The following PTPRM variants were observed in gnomAD, a reference collection of about 807,000 sequenced individuals.
PTPRM encodes protein tyrosine phosphatase receptor type M.
In PTPRM, 47 loss-of-function variants were observed where a neutral mutation model predicts 186.7. That is an observed-to-expected ratio of 0.25 (90% CI 0.20 to 0.32). The LOEUF (loss-of-function observed/expected upper bound fraction) is 0.32, where lower values mean the gene tolerates loss of function less well. Among genes scored for constraint, PTPRM ranks in the 10% least tolerant of loss-of-function variants. PTPRM has a pLI of 1.00. For missense variants in PTPRM, 1,494 were observed against 1,865.0 expected (o/e 0.80, Z 3.66); for synonymous variants, 668 against 674.9 (o/e 0.99, Z 0.16).
At chr18:8,368,688 G>C (rs1232808639) in intron 23 of PTPRM, among the ~76,000 whole-genome samples, 1 of 152,188 alleles carries the variant, frequency 6.6e-6, no homozygotes, top group Non-Finnish European at 1.5e-5. Flanking sequence ...GTGCACCTCA[G>C]GGGGTTGGCA....
At chr18:8,065,299 CT>C (rs980727071) in intron 7 of PTPRM, among the ~76,000 whole-genome samples, 1 of 152,168 alleles carries the variant, frequency 6.6e-6, no homozygotes, top group Non-Finnish European at 1.5e-5. Flanking sequence ...GCCAGGATCA[CT>C]GATTAAATAG....
chr18:8,311,342 ACTGTGGACC>A (rs2095266884), intron 20 of PTPRM, among the ~76,000 whole-genome samples: 1 of 151,772 alleles, frequency 6.6e-6, no homozygotes, highest in African/African-American at 2.4e-5. Flanking sequence ...TTAAAAAGGC[ACTGTGGACC>A]CATTCAAGGT....
chr18:7,907,794 C>G (rs1012137921), intron 4 of PTPRM, among the ~76,000 whole-genome samples: 1 of 151,856 alleles, frequency 6.6e-6, no homozygotes, highest in Non-Finnish European at 1.5e-5. Flanking sequence ...GTGCTCTTTC[C>G]CATAATCCCC....
chr18:7,673,218 G>A (rs537549378), intron 1 of PTPRM, among the ~76,000 whole-genome samples: 57 of 152,130 alleles, frequency 3.7e-4, no homozygotes, highest in Non-Finnish European at 1.6e-4. Flanking sequence ...AGTTCTGCCT[G>A]CCACACCTTG....
chr18:7,774,334 G>A, intron 2 of PTPRM, 63 bp downstream of exon 2: 5 of 1,570,872 alleles, frequency 3.2e-6, no homozygotes, highest in Non-Finnish European at 4.4e-6. Flanking sequence ...CATACTATGT[G>A]TTCACTGGAT....
At chr18:7,717,255 T>G (rs770176543) in intron 1 of PTPRM, among the ~76,000 whole-genome samples, 1 of 151,846 alleles carries the variant, frequency 6.6e-6, no homozygotes, top group Non-Finnish European at 1.5e-5. Flanking sequence ...CCCCACCCCA[T>G]CCTCTGCCCG....
chr18:7,979,754 G>A (rs558280819), intron 7 of PTPRM, among the ~76,000 whole-genome samples: 3 of 152,308 alleles, frequency 2.0e-5, no homozygotes, highest in African/African-American at 4.8e-5. Flanking sequence ...CTTGCAGTCC[G>A]CTGGCAGAAG....
chr18:8,057,535 G>A (rs2088105201), intron 7 of PTPRM, among the ~76,000 whole-genome samples: 1 of 131,206 alleles, frequency 7.6e-6, no homozygotes, highest in Admixed American at 7.9e-5. Flanking sequence ...CATGTGCCAT[G>A]CTGGTGCGCT....
intron 1 of PTPRM, among the ~76,000 whole-genome samples, chr18:7,618,391 G>A (rs1463580471): frequency 6.6e-6 from 1 of 152,068 alleles, no homozygotes; most frequent in Non-Finnish European, 1.5e-5. Context: ...CATTTTAAAA[G>A]AGTATTTGTT....
intron 1 of PTPRM, among the ~76,000 whole-genome samples, chr18:7,718,850 CATA>C (rs1429224897): frequency 6.6e-6 from 1 of 151,800 alleles, no homozygotes; most frequent in Non-Finnish European, 1.5e-5. Flanking sequence ...AAATTAAAAC[CATA>C]ATGAGATATA....
At chr18:7,725,808 T>C (rs658744) in intron 1 of PTPRM, among the ~76,000 whole-genome samples, 97,184 of 152,012 alleles carry the variant, frequency 0.64, 33,032 homozygotes, top group East Asian at 0.99. Flanking sequence ...TTGCATTTAC[T>C]GTCTTCAGTT....
At chr18:7,884,955 GA>G (rs2048710018) in intron 2 of PTPRM, among the ~76,000 whole-genome samples, 1 of 131,726 alleles carries the variant, frequency 7.6e-6, no homozygotes, top group Non-Finnish European at 1.7e-5. Context: ...AAAAAAAGGA[GA>G]GAGAGAAAAT....
At chr18:7,594,415 G>A (rs1337970009) in intron 1 of PTPRM, among the ~76,000 whole-genome samples, 1 of 152,098 alleles carries the variant, frequency 6.6e-6, no homozygotes, top group East Asian at 1.9e-4. Flanking sequence ...TGGAGGCAGA[G>A]GTTGCATTGA....
At chr18:7,652,722 G>A (rs1265234736) in intron 1 of PTPRM, among the ~76,000 whole-genome samples, 10 of 136,778 alleles carry the variant, frequency 7.3e-5, no homozygotes, top group African/African-American at 2.2e-4. Context: ...ATGGACACAG[G>A]CAGGGGAACA....
At chr18:7,857,418 G>A (rs2047148423) in intron 2 of PTPRM, among the ~76,000 whole-genome samples, 1 of 152,188 alleles carries the variant, frequency 6.6e-6, no homozygotes, top group African/African-American at 2.4e-5. Flanking sequence ...ATACAGCTGG[G>A]ATGCTGGCTT....
chr18:8,159,121 T>C (rs1462140258), intron 14 of PTPRM, among the ~76,000 whole-genome samples: 2 of 150,590 alleles, frequency 1.3e-5, no homozygotes, highest in African/African-American at 2.5e-5. Context: ...TATAGAAAAT[T>C]ACATAAAATT....
intron 14 of PTPRM, among the ~76,000 whole-genome samples, chr18:8,218,704 GTAATGGT>G (rs1486011705): frequency 6.6e-6 from 1 of 152,160 alleles, no homozygotes; most frequent in East Asian, 1.9e-4. Flanking sequence ...TGAAGCATGG[GTAATGGT>G]TGTCAAAACC....
chr18:8,217,799 G>A (rs7232207), intron 14 of PTPRM, among the ~76,000 whole-genome samples: 114,560 of 151,866 alleles, frequency 0.75, 43,827 homozygotes, highest in East Asian at 0.9. Flanking sequence ...ATCACTACAC[G>A]TATACACCTT....
chr18:7,773,537 C>A (rs1259538966), intron 1 of PTPRM, among the ~76,000 whole-genome samples: 1 of 148,142 alleles, frequency 6.8e-6, no homozygotes, highest in Non-Finnish European at 1.5e-5. Context: ...TTTAAATTTG[C>A]TTAGGTCTTA....
Sources: gnomAD v4.1 joint callset for allele counts (sites outside exome capture counted in the v4.1 genomes callset) on GRCh38, gnomAD v4.1.1 for gene constraint, MANE v1.5 for transcripts, NCBI Gene and HGNC (gene_info 2026-07-23, HGNC 2026-07-21) for gene names.